The following CSMD1 variants were observed in gnomAD, a reference collection of about 807,000 sequenced individuals.
The protein encoded by CSMD1 is CUB and sushi domain-containing protein 1.
A neutral mutation model predicts 417.5 loss-of-function variants in CSMD1; 213 were observed. The ratio of observed to expected loss-of-function variants is 0.51; its 90% CI spans 0.46 to 0.57. The LOEUF is 0.57. Ranked by LOEUF, CSMD1 falls within the 20% of genes least tolerant of loss-of-function variation. The pLI, the probability that CSMD1 is intolerant of heterozygous loss-of-function variation, is 0.00. For missense variants in CSMD1, 6,923 were observed against 4,529.7 expected, an observed-to-expected ratio of 1.53 and a Z score of -15.17; for synonymous variants, 2,862 against 1,736.8, an observed-to-expected ratio of 1.65 and a Z score of -16.11.
At chr8:3,812,061 C>G (rs1801121406) in intron 5 of CSMD1, among the ~76,000 whole-genome samples, 1 of 152,072 alleles carries the variant, frequency 6.6e-6, no homozygotes, top group African/African-American at 2.4e-5. Context: ...AAGCATTTCA[C>G]GATTTCATCA....
intron 3 of CSMD1, among the ~76,000 whole-genome samples, chr8:4,155,120 G>T (rs1381060232): frequency 1.3e-5 from 2 of 152,152 alleles, no homozygotes; most frequent in East Asian, 1.9e-4. Flanking sequence ...TGACGCGCAT[G>T]CACTATTGTT....
At chr8:4,537,204 A>C (rs1797143322) in intron 2 of CSMD1, among the ~76,000 whole-genome samples, 1 of 152,212 alleles carries the variant, frequency 6.6e-6, no homozygotes, top group Admixed American at 6.5e-5. Flanking sequence ...CATTAAAGGG[A>C]AATATAATTT....
intron 5 of CSMD1, among the ~76,000 whole-genome samples, chr8:3,917,615 T>TTTAC (rs1808918581): frequency 9.5e-6 from 1 of 105,598 alleles, no homozygotes; most frequent in Admixed American, 1.0e-4. Flanking sequence ...CATATTTATA[T>TTTAC]TTTACCTTTT....
chr8:3,035,368 A>ATT (rs774454842), intron 50 of CSMD1, among the ~76,000 whole-genome samples: 4 of 152,118 alleles, frequency 2.6e-5, no homozygotes, highest in Non-Finnish European at 5.9e-5. Context: ...GGGTATCACT[A>ATT]TTATTTGTAT....
chr8:3,955,026 C>T (rs1240085216), intron 5 of CSMD1, among the ~76,000 whole-genome samples: 1 of 152,206 alleles, frequency 6.6e-6, no homozygotes, highest in Non-Finnish European at 1.5e-5. Flanking sequence ...CTCCTTTGCA[C>T]TGCTAATTTA....
Position 3,219,379 on chromosome 8 carries a change from G to C in CSMD1, c.4548C>G (p.Pro1516=). 1 of 1,567,602 alleles carries C rather than the reference G, an allele frequency of 6.4e-7. No homozygotes were observed. The highest frequency in any genetic ancestry group is 8.7e-7 in the Non-Finnish European group (1 of 1,155,854). Residue 1516 remains proline (P), a synonymous_variant, in exon 29 of 70, where the codon CCC becomes CCG. Coordinates refer to ENST00000635120, the MANE Select transcript of CSMD1 (RefSeq NM_033225.6). ...GAGAGCCCTGGTAACTCCCAATGAG[G>C]GGGCTGTTGGAATCTTCCCCTTCAT... ...HIYEGEDSNS[P]LIGSYQGSQA... is the part of the protein sequence containing the mutation.
chr8:4,860,131 AATC>A (rs1018310747), intron 1 of CSMD1, among the ~76,000 whole-genome samples: 1 of 151,676 alleles, frequency 6.6e-6, no homozygotes, highest in African/African-American at 2.4e-5. Flanking sequence ...TGAAATTGGA[AATC>A]ATCATTCTCA....
chr8:4,961,454 C>A (rs1402297161), intron 1 of CSMD1, among the ~76,000 whole-genome samples: 1 of 152,108 alleles, frequency 6.6e-6, no homozygotes, highest in African/African-American at 2.4e-5. Context: ...TAGTTGATTT[C>A]CTCAATACAG....
intron 41 of CSMD1, among the ~76,000 whole-genome samples, chr8:3,136,287 C>T (rs1056474548): frequency 6.9e-5 from 10 of 144,636 alleles, no homozygotes; most frequent in African/African-American, 1.0e-4. Context: ...GATAGAGTTT[C>T]GCTCTGTCAC....
chr8:4,267,458 A>G (rs1319726533), intron 3 of CSMD1, among the ~76,000 whole-genome samples: 2 of 151,144 alleles, frequency 1.3e-5, no homozygotes, highest in African/African-American at 4.8e-5. Flanking sequence ...TAAATAATAT[A>G]TAATGAATAT....
intron 6 of CSMD1, among the ~76,000 whole-genome samples, chr8:3,728,424 C>A (rs979841783): frequency 3.9e-5 from 6 of 152,168 alleles, no homozygotes; most frequent in African/African-American, 1.4e-4. Flanking sequence ...CAGACTAATA[C>A]AACATCTAAA....
intron 23 of CSMD1, among the ~76,000 whole-genome samples, chr8:3,342,368 T>C (rs954083864): frequency 1.1e-4 from 17 of 152,220 alleles, no homozygotes; most frequent in Admixed American, 3.9e-4. Flanking sequence ...AACATACTTT[T>C]ATGCTCAAAA....
At chr8:3,280,957 G>A (rs1584921805) in intron 26 of CSMD1, among the ~76,000 whole-genome samples, 2 of 152,170 alleles carry the variant, frequency 1.3e-5, no homozygotes. Context: ...TGTTAAAACA[G>A]GAAGATTTTA....
intron 26 of CSMD1, among the ~76,000 whole-genome samples, chr8:3,264,487 A>T (rs1331656313): frequency 2.0e-5 from 3 of 152,200 alleles, no homozygotes; most frequent in African/African-American, 7.2e-5. Flanking sequence ...AGGAGGCCAA[A>T]GAGAGGGAAA....
intron 59 of CSMD1, 101 bp downstream of exon 59, chr8:2,965,674 C>A: frequency 1.1e-6 from 1 of 947,634 alleles, no homozygotes; most frequent in South Asian, 1.9e-5. Context: ...GAATTCCTAG[C>A]CCCTAGAAGG....
intron 5 of CSMD1, among the ~76,000 whole-genome samples, chr8:3,895,825 G>C (rs1288419951): frequency 1.3e-5 from 2 of 152,138 alleles, no homozygotes; most frequent in Non-Finnish European, 2.9e-5. Context: ...GTGAGCCACA[G>C]CTCTGACCTG....
At chr8:3,575,844 GT>G (rs67685469) in intron 9 of CSMD1, among the ~76,000 whole-genome samples, 65,844 of 149,300 alleles carry the variant, frequency 0.44, 14,679 homozygotes, top group Admixed American at 0.5. Flanking sequence ...TATGAAAGGA[GT>G]TTTTTTTTTT....
intron 7 of CSMD1, among the ~76,000 whole-genome samples, chr8:3,629,151 C>G (rs1043736896): frequency 6.6e-6 from 1 of 151,990 alleles, no homozygotes; most frequent in African/African-American, 2.4e-5. Context: ...ACAGAAAGAA[C>G]CCGGGATGTT....
chr8:4,426,281 T>C (rs1347362938), intron 2 of CSMD1, among the ~76,000 whole-genome samples: 1 of 151,694 alleles, frequency 6.6e-6, no homozygotes, highest in African/African-American at 2.4e-5. Flanking sequence ...ATTTCTGTTC[T>C]AGAATTCATC....
Sources: allele counts gnomAD v4.1 joint callset (sites outside exome capture counted in the v4.1 genomes callset), GRCh38; gene constraint gnomAD v4.1.1; transcripts MANE v1.5; gene names NCBI Gene and HGNC (gene_info 2026-07-23, HGNC 2026-07-21).